SLIT2: variants seen among roughly 807,000 people sequenced by gnomAD.
SLIT2 encodes slit homolog 2 protein.
A neutral mutation model predicts 185.7 loss-of-function variants in SLIT2; 41 were observed. The observed-to-expected ratio is 0.22, with a 90% CI of 0.17 to 0.29. The LOEUF is 0.29. SLIT2 is among the 10% of genes least tolerant of loss of function. SLIT2 has a pLI of 1.00. For synonymous variants in SLIT2, 693 were observed against 680.2 expected (o/e 1.02, Z -0.29); for missense variants, 1,571 against 1,909.0 (o/e 0.82, Z 3.30).
intron 4 of SLIT2, among the ~76,000 whole-genome samples, chr4:20,353,872 T>C (rs941067429): frequency 6.6e-6 from 1 of 152,210 alleles, no homozygotes; most frequent in Admixed American, 6.5e-5. Flanking sequence ...TGCAATAAAC[T>C]TTAGGTTATT....
intron 4 of SLIT2, among the ~76,000 whole-genome samples, chr4:20,304,633 C>T (rs1051581691): frequency 2.7e-4 from 41 of 152,228 alleles, no homozygotes; most frequent in African/African-American, 9.1e-4. Context: ...GAACAGCTGC[C>T]TTGCTGTTAG....
chr4:20,581,863 C>T (rs568769424), intron 29 of SLIT2, among the ~76,000 whole-genome samples: 2 of 152,350 alleles, frequency 1.3e-5, no homozygotes, highest in East Asian at 1.9e-4. Flanking sequence ...TCTCCTGTCT[C>T]AGCCTTCCAA....
chr4:20,550,651 G>T (rs1723658099), intron 24 of SLIT2, among the ~76,000 whole-genome samples, 176 bp from the exon 25 acceptor site: 1 of 151,992 alleles, frequency 6.6e-6, no homozygotes, highest in African/African-American at 2.4e-5. Flanking sequence ...CACATAATGT[G>T]AGGTGGAAGC....
chr4:20,301,491 A>G (rs1004147951), intron 4 of SLIT2, among the ~76,000 whole-genome samples: 1 of 152,148 alleles, frequency 6.6e-6, no homozygotes, highest in Non-Finnish European at 1.5e-5. Context: ...TTAACGGGGC[A>G]TACTAACTCT....
intron 4 of SLIT2, among the ~76,000 whole-genome samples, chr4:20,321,568 T>C (rs183232943): frequency 6.6e-6 from 1 of 152,306 alleles, no homozygotes; most frequent in East Asian, 1.9e-4. Flanking sequence ...TCAATGAGGC[T>C]GCAGAAATGA....
chr4:20,378,025 G>C lies in SLIT2; in HGVS notation c.396-89727G>C, dbSNP rs551586296. Among the ~76,000 whole-genome samples, 86 of 152,218 alleles carry C rather than the reference G, an allele frequency of 5.6e-4. No homozygotes were observed. In the South Asian group the frequency reaches 0.014, roughly 25 times the overall value. ...AGATTTTGATAAGTCCCTACACCCA[G>C]CGTGTGTGGATATAATGTCATTATG... On this transcript the variant is annotated intron_variant, in intron 4 of 36. Coordinates refer to ENST00000504154, the MANE Select transcript of SLIT2 (RefSeq NM_004787.4).
intron 4 of SLIT2, among the ~76,000 whole-genome samples, chr4:20,284,607 A>G (rs1169018167): frequency 6.6e-6 from 1 of 152,240 alleles, no homozygotes; most frequent in Non-Finnish European, 1.5e-5. Context: ...GAGTTTAAAA[A>G]GAATAGCCAT....
intron 4 of SLIT2, among the ~76,000 whole-genome samples, chr4:20,410,521 T>A (rs1727159813): frequency 6.6e-6 from 1 of 151,984 alleles, no homozygotes; most frequent in Non-Finnish European, 1.5e-5. Flanking sequence ...CTCAAAGTGC[T>A]GGGATTACAG....
intron 4 of SLIT2, among the ~76,000 whole-genome samples, chr4:20,386,501 C>T (rs146750104): frequency 6.6e-6 from 1 of 152,212 alleles, no homozygotes; most frequent in African/African-American, 2.4e-5. Context: ...ATTTATGAAG[C>T]CCTGCAAATT....
chr4:20,474,275 T>C (rs1443008370), intron 5 of SLIT2, among the ~76,000 whole-genome samples: 1 of 151,970 alleles, frequency 6.6e-6, no homozygotes, highest in Non-Finnish European at 1.5e-5. Context: ...TATAAAAAAA[T>C]TAGTAGCTCA....
intron 4 of SLIT2, among the ~76,000 whole-genome samples, chr4:20,339,399 T>C (rs1720779514): frequency 6.6e-6 from 1 of 152,170 alleles, no homozygotes; most frequent in Non-Finnish European, 1.5e-5. Context: ...GCTTTCCAGA[T>C]ACTCAGAATT....
chr4:20,478,855 C>G (rs889733041), intron 5 of SLIT2, among the ~76,000 whole-genome samples: 1 of 152,070 alleles, frequency 6.6e-6, no homozygotes, highest in Non-Finnish European at 1.5e-5. Flanking sequence ...AGGCTATTAA[C>G]TTAATTGTTA....
chr4:20,462,260 A>G (rs1045933313), intron 4 of SLIT2, among the ~76,000 whole-genome samples: 2 of 152,222 alleles, frequency 1.3e-5, no homozygotes, highest in African/African-American at 4.8e-5. Flanking sequence ...ATCTTAAAAA[A>G]TGAATAAACC....
At chr4:20,434,676 T>C (rs543750794) in intron 4 of SLIT2, among the ~76,000 whole-genome samples, 6 of 152,284 alleles carry the variant, frequency 3.9e-5, no homozygotes, top group African/African-American at 1.4e-4. Flanking sequence ...AGATGGAAAC[T>C]GGCAAGATAT....
At chr4:20,550,966 C>T in intron 25 of SLIT2, 68 bp downstream of exon 25, 1 of 828,670 alleles carries the variant, frequency 1.2e-6, no homozygotes, top group Non-Finnish European at 2.0e-6. Flanking sequence ...TGGAACATTC[C>T]TCTGCCAGTT....
At chr4:20,407,925 CA>C (rs1726899514) in intron 4 of SLIT2, among the ~76,000 whole-genome samples, 2 of 152,046 alleles carry the variant, frequency 1.3e-5, no homozygotes, top group African/African-American at 2.4e-5. Context: ...AAAAATAAAA[CA>C]AAACACTTTG....
At chr4:20,513,108 G>A (rs2148829385) in intron 11 of SLIT2, among the ~76,000 whole-genome samples, 1 of 152,256 alleles carries the variant, frequency 6.6e-6, no homozygotes, top group South Asian at 2.1e-4. Flanking sequence ...TTGCTACATT[G>A]AAATCTAAGG....
At chr4:20,502,723 T>C (rs1048069069) in intron 9 of SLIT2, among the ~76,000 whole-genome samples, 2 of 152,048 alleles carry the variant, frequency 1.3e-5, no homozygotes, top group African/African-American at 4.8e-5. Context: ...TGTTAGAATA[T>C]AAAGTGGAAG....
In SLIT2 at chr4:20,299,570, AT is replaced by A. The variant is rs1716848789; in HGVS notation, c.395+30690del. ...ATGATTTCTTTTTCTATAGAGAAAA[AT>A]ATAGCTGAGCAGATTTTTAAATGCA... On this transcript the variant is annotated intron_variant, in intron 4 of 36. Coordinates refer to ENST00000504154, the MANE Select transcript of SLIT2 (RefSeq NM_004787.4). Among the ~76,000 whole-genome samples the A allele has an allele frequency of 2.6e-5, 4 of 151,732 alleles. No individual in the cohort carries two copies. The South Asian group carries it at 8.3e-4, about 31-fold the overall frequency.
Sources: gnomAD v4.1 joint callset for allele counts (sites outside exome capture counted in the v4.1 genomes callset) on GRCh38, gnomAD v4.1.1 for gene constraint, MANE v1.5 for transcripts, NCBI Gene and HGNC (gene_info 2026-07-23, HGNC 2026-07-21) for gene names.